The following DSCAM variants were observed in gnomAD, a reference collection of about 807,000 sequenced individuals.
DSCAM encodes cell adhesion molecule DSCAM.
In DSCAM, 47 loss-of-function variants were observed where a neutral mutation model predicts 217.7. That is an observed-to-expected ratio of 0.22 (90% CI 0.17 to 0.28). The LOEUF (loss-of-function observed/expected upper bound fraction) is 0.28, where lower values mean the gene tolerates loss of function less well. Among genes scored for constraint, DSCAM ranks in the 10% least tolerant of loss-of-function variants. DSCAM has a pLI of 1.00. For synonymous variants in DSCAM, 1,056 were observed against 1,015.3 expected (o/e 1.04, Z -0.76); for missense variants, 2,080 against 2,618.3 (o/e 0.79, Z 4.49).
chr21:40,499,205 T>TA (rs1158992307), intron 3 of DSCAM, among the ~76,000 whole-genome samples: 1 of 152,162 alleles, frequency 6.6e-6, no homozygotes, highest in Non-Finnish European at 1.5e-5. Flanking sequence ...ACTACTATTT[T>TA]ATCTGTTTAT....
chr21:40,340,159 GC>G (rs1054036115), intron 6 of DSCAM, among the ~76,000 whole-genome samples: 20 of 152,182 alleles, frequency 1.3e-4, no homozygotes, highest in African/African-American at 4.8e-4. Flanking sequence ...AAGTAGGCTG[GC>G]CATATAATTT....
At chr21:40,522,464 T>G (rs1195539478) in intron 3 of DSCAM, among the ~76,000 whole-genome samples, 2 of 152,252 alleles carry the variant, frequency 1.3e-5, no homozygotes, top group Non-Finnish European at 2.9e-5. Context: ...TATTTTTAAC[T>G]GCCTTCATTA....
intron 3 of DSCAM, among the ~76,000 whole-genome samples, chr21:40,407,410 T>C (rs1486743555): frequency 6.6e-6 from 1 of 152,240 alleles, no homozygotes; most frequent in Non-Finnish European, 1.5e-5. Context: ...GTAGGGACTC[T>C]TCCTGCCCCT....
Position 40,371,253 on chromosome 21 carries a change from T to A in DSCAM, c.509-2008A>T, listed in dbSNP as rs567104999. 1.7e-4 allele frequency among the ~76,000 whole-genome samples: 26 copies of A among 152,298 alleles called. No individual in the cohort carries two copies. In the East Asian group the frequency reaches 4.8e-3, roughly 28 times the overall value. On this transcript the variant is annotated intron_variant, in intron 3 of 32. Transcript: ENST00000400454. ...TATTATTCCCCAAAATGAAAGCAACTAAAAATACCTTTTACCACTTGTCAT... is the reference window on the plus strand; with the variant it reads ...TATTATTCCCCAAAATGAAAGCAACAAAAAATACCTTTTACCACTTGTCAT...
At chr21:40,515,119 A>G (rs2076289700) in intron 3 of DSCAM, among the ~76,000 whole-genome samples, 1 of 152,232 alleles carries the variant, frequency 6.6e-6, no homozygotes, top group Non-Finnish European at 1.5e-5. Context: ...TCTGAAAACT[A>G]AAGAAGTATA....
chr21:40,429,328 G>A lies in DSCAM; in HGVS notation c.509-60083C>T, dbSNP rs534395072. Among the ~76,000 whole-genome samples, 13 of 151,784 alleles carry A rather than the reference G, an allele frequency of 8.6e-5. No individual in the cohort carries two copies. The South Asian group carries it at 1.3e-3, about 15-fold the overall frequency. On this transcript the variant is annotated intron_variant, in intron 3 of 32. Transcript: ENST00000400454. ...GTTGCCCAGGCTGGAGTACAGTGGC[G>A]TGATCTCGGCTCACTGCAACCTCTG...
In DSCAM at chr21:40,026,220, A is replaced by C. The variant is rs13050600; in HGVS notation, c.5687-12834T>G. Among the ~76,000 whole-genome samples the C allele has an allele frequency of 2.1e-4, 29 of 139,024 alleles. 1 individual carries two copies. Among genetic ancestry groups the C allele is most frequent in the East Asian group, 4.0e-4 (2 of 5,024 alleles). 91.2% of individuals were successfully genotyped at this position (139,024 alleles called of 152,430 possible). A position where few individuals can be genotyped will look rare whatever the true frequency, so the allele number is the denominator to read the frequency against. The stretch of plus-strand genomic sequence containing the variant: ...TTAATCCTGAGATCTAGTTTGATTG[A>C]CCTGTGGTCTGAGAGACAGTTTGTT... On this transcript the variant is annotated intron_variant, in intron 32 of 32. Transcript: ENST00000400454.
chr21:40,101,856 A>T (rs1002224926), intron 20 of DSCAM, among the ~76,000 whole-genome samples: 1 of 151,886 alleles, frequency 6.6e-6, no homozygotes, highest in African/African-American at 2.4e-5. Flanking sequence ...TGTTGGCGAG[A>T]GTTATAGGAC....
At position 40,121,380 on chromosome 21, in the gene DSCAM, T is replaced by C. The variant is rs186006830; in HGVS notation, c.3696+2815A>G. On this transcript the variant is annotated intron_variant, in intron 20 of 32. Coordinates refer to ENST00000400454, the MANE Select transcript of DSCAM (RefSeq NM_001389.5). Reference sequence around the variant, plus strand: ...CTGAGCTTGACTCTCACTGATACTATTTGATGTAAAAAATAGGTCTCGTGC... The same window carrying C: ...CTGAGCTTGACTCTCACTGATACTACTTGATGTAAAAAATAGGTCTCGTGC... Among the ~76,000 whole-genome samples the C allele has an allele frequency of 1.1e-3, 173 of 152,318 alleles. 1 individual carries two copies. Among genetic ancestry groups the C allele is most frequent in the African/African-American group, 3.9e-3 (163 of 41,568 alleles).
At chr21:40,504,624 C>G (rs538123613) in intron 3 of DSCAM, among the ~76,000 whole-genome samples, 1 of 152,128 alleles carries the variant, frequency 6.6e-6, no homozygotes, top group Admixed American at 6.6e-5. Context: ...TCAAATAATG[C>G]GTGACACAAG....
chr21:40,346,364 T>TA (rs1262097179), intron 6 of DSCAM, among the ~76,000 whole-genome samples: 1 of 152,212 alleles, frequency 6.6e-6, no homozygotes, highest in Non-Finnish European at 1.5e-5. Context: ...TGCTACTTCT[T>TA]AAAAAATTAG....
intron 6 of DSCAM, among the ~76,000 whole-genome samples, chr21:40,341,252 T>A (rs1368553497): frequency 6.6e-6 from 1 of 152,226 alleles, no homozygotes; most frequent in East Asian, 1.9e-4. Context: ...AGAAGTTAGA[T>A]GTCATCATGA....
intron 3 of DSCAM, among the ~76,000 whole-genome samples, chr21:40,570,427 T>C (rs1048122080): frequency 1.3e-5 from 2 of 152,230 alleles, no homozygotes. Flanking sequence ...AAGGAGCATG[T>C]CCTTCCTGCA....
chr21:40,216,354 TCCTTCCACCTCGG>T (rs1449188148), intron 11 of DSCAM, among the ~76,000 whole-genome samples: 42 of 152,226 alleles, frequency 2.8e-4, no homozygotes, highest in African/African-American at 9.6e-4. Flanking sequence ...CCTCAAGTGA[TCCTTCCACCTCGG>T]CCTCCCAAAG....
At chr21:40,346,907 AAC>A (rs1004522704) in intron 6 of DSCAM, among the ~76,000 whole-genome samples, 7 of 152,140 alleles carry the variant, frequency 4.6e-5, no homozygotes, top group Non-Finnish European at 8.8e-5. Context: ...CCACCCAGCA[AAC>A]ACCTGGCAAT....
intron 20 of DSCAM, among the ~76,000 whole-genome samples, chr21:40,098,902 C>T (rs909309719): frequency 1.3e-5 from 2 of 152,084 alleles, no homozygotes; most frequent in East Asian, 1.9e-4. Context: ...ACTCCAGTCA[C>T]GTCTTAGAGT....
chr21:40,473,955 T>A (rs773504357), intron 3 of DSCAM, among the ~76,000 whole-genome samples: 6 of 152,194 alleles, frequency 3.9e-5, no homozygotes, highest in Non-Finnish European at 7.3e-5. Flanking sequence ...CTCAGTGGCA[T>A]GTTTTTGTGG....
chr21:40,717,607 A>C (rs1442307972), intron 1 of DSCAM, among the ~76,000 whole-genome samples: 1 of 152,200 alleles, frequency 6.6e-6, no homozygotes, highest in Non-Finnish European at 1.5e-5. Context: ...TGTCCAGAAG[A>C]GGGAGATCTG....
At chr21:40,505,308 A>T (rs1322011476) in intron 3 of DSCAM, among the ~76,000 whole-genome samples, 1 of 152,230 alleles carries the variant, frequency 6.6e-6, no homozygotes, top group Non-Finnish European at 1.5e-5. Flanking sequence ...TTACAAAGGA[A>T]AACAGGATAG....
Sources: gnomAD v4.1 joint callset for allele counts (sites outside exome capture counted in the v4.1 genomes callset) on GRCh38, gnomAD v4.1.1 for gene constraint, MANE v1.5 for transcripts, NCBI Gene and HGNC (gene_info 2026-07-23, HGNC 2026-07-21) for gene names.